DLG2: variants seen among roughly 807,000 people sequenced by gnomAD.
DLG2 encodes the protein disks large homolog 2.
Under a neutral mutation model 132.5 loss-of-function variants are expected in DLG2, and 45 were observed. That is an observed-to-expected ratio of 0.34 (90% CI 0.27 to 0.44). The LOEUF is 0.44. DLG2 is among the 20% of genes least tolerant of loss of function. DLG2 has a pLI of 1.00. For synonymous variants in DLG2, 424 were observed against 419.6 expected (o/e 1.01, Z -0.13); for missense variants, 1,045 against 1,196.9 (o/e 0.87, Z 1.87).
chr11:85,036,051 T>C (rs1460728655), intron 6 of DLG2, among the ~76,000 whole-genome samples: 1 of 152,232 alleles, frequency 6.6e-6, no homozygotes, highest in Non-Finnish European at 1.5e-5. Context: ...TCTATTTGTA[T>C]ACCTGAAGCA....
intron 14 of DLG2, among the ~76,000 whole-genome samples, chr11:83,962,345 C>G (rs571842026): frequency 5.9e-5 from 9 of 152,100 alleles, no homozygotes; most frequent in Admixed American, 2.6e-4. Context: ...AGGTTTATGC[C>G]AGGTCGTCAC....
chr11:84,269,614 C>T (rs568023410), intron 7 of DLG2, among the ~76,000 whole-genome samples: 19 of 152,140 alleles, frequency 1.2e-4, no homozygotes, highest in South Asian at 4.1e-4. Flanking sequence ...GATTTATACA[C>T]GTTTATATCT....
At chr11:85,079,993 C>T (rs78013629) in intron 6 of DLG2, among the ~76,000 whole-genome samples, 2,964 of 152,112 alleles carry the variant, frequency 0.019, 52 homozygotes, top group Admixed American at 0.041. Flanking sequence ...ATGATTGAGA[C>T]GGATGGAAAG....
intron 8 of DLG2, among the ~76,000 whole-genome samples, chr11:84,176,537 A>C (rs2095973985): frequency 6.6e-6 from 1 of 151,894 alleles, no homozygotes; most frequent in Non-Finnish European, 1.5e-5. Flanking sequence ...TAGAAGTCTA[A>C]AGTGACAAAA....
chr11:83,757,641 C>G (rs2093705429), intron 18 of DLG2, among the ~76,000 whole-genome samples: 1 of 152,114 alleles, frequency 6.6e-6, no homozygotes, highest in Non-Finnish European at 1.5e-5. Context: ...AAACAGGGAT[C>G]CTGATGCCTT....
chr11:85,157,254 G>C (rs2077654884), intron 4 of DLG2, among the ~76,000 whole-genome samples: 2 of 152,044 alleles, frequency 1.3e-5, no homozygotes, highest in African/African-American at 4.8e-5. Flanking sequence ...GATCATATCA[G>C]TTAATACTTA....
At chr11:84,667,686 A>T (rs1458073373) in intron 6 of DLG2, among the ~76,000 whole-genome samples, 1 of 151,726 alleles carries the variant, frequency 6.6e-6, no homozygotes, top group African/African-American at 2.4e-5. Context: ...TTTAGTAGAG[A>T]TGGGTTTTCA....
chr11:85,457,004 G>A (rs1050704446), intron 3 of DLG2, among the ~76,000 whole-genome samples: 2 of 152,102 alleles, frequency 1.3e-5, no homozygotes, highest in African/African-American at 4.8e-5. Flanking sequence ...TTGCCTCAAT[G>A]ATCTGTCTAA....
rs368143057 is a variant in DLG2, at chr11:84,867,948, C to T, written c.357+243713G>A. On this transcript the variant is annotated intron_variant, in intron 6 of 27. Transcript: ENST00000376104. Reference sequence around the variant, plus strand: ...AATTAGCCAGGCGTGGTAGCCGGCGCCTGCAGTCCCAGCTACTCGGGAGGC... The same window carrying T: ...AATTAGCCAGGCGTGGTAGCCGGCGTCTGCAGTCCCAGCTACTCGGGAGGC... 4.3e-4 allele frequency among the ~76,000 whole-genome samples: 66 copies of T among 152,114 alleles called. No individual in the cohort carries two copies. The South Asian group carries it at 0.013, about 31-fold the overall frequency.
intron 6 of DLG2, among the ~76,000 whole-genome samples, chr11:84,754,682 A>C (rs556440276): frequency 1.3e-5 from 2 of 152,208 alleles, no homozygotes; most frequent in Non-Finnish European, 2.9e-5. Flanking sequence ...AAGACAGTCA[A>C]AATACTCCTT....
At chr11:85,132,517 A>G (rs1041341453) in intron 5 of DLG2, among the ~76,000 whole-genome samples, 2 of 152,168 alleles carry the variant, frequency 1.3e-5, no homozygotes, top group Non-Finnish European at 2.9e-5. Flanking sequence ...GCCATAAAAA[A>G]AAAACAAAAA....
chr11:85,007,456 C>T lies in DLG2; in HGVS notation c.357+104205G>A, dbSNP rs566577885. 9.2e-5 allele frequency among the ~76,000 whole-genome samples: 14 copies of T among 151,460 alleles called. No homozygotes were observed. The South Asian group carries it at 2.7e-3, about 29-fold the overall frequency. Reference sequence around the variant, plus strand: ...CGGGTGGATCACGAGGTCAGGAGATCGAGACCATCCTGGCTAACACGGTGA... The same window carrying T: ...CGGGTGGATCACGAGGTCAGGAGATTGAGACCATCCTGGCTAACACGGTGA... On this transcript the variant is annotated intron_variant, in intron 6 of 27. Coordinates refer to ENST00000376104, the MANE Select transcript of DLG2 (RefSeq NM_001142699.3).
intron 2 of DLG2, among the ~76,000 whole-genome samples, chr11:85,604,572 T>C (rs930441759): frequency 1.3e-5 from 2 of 152,056 alleles, no homozygotes; most frequent in African/African-American, 4.8e-5. Context: ...TCATCTAAAT[T>C]GCCTCAATTC....
chr11:84,627,311 T>C (rs568078461), intron 6 of DLG2, among the ~76,000 whole-genome samples: 1 of 152,338 alleles, frequency 6.6e-6, no homozygotes, highest in African/African-American at 2.4e-5. Flanking sequence ...TTGTATCCTA[T>C]ATCATTTGCT....
At chr11:84,515,310 CA>C (rs1272813593) in intron 7 of DLG2, among the ~76,000 whole-genome samples, 77 of 151,292 alleles carry the variant, frequency 5.1e-4, no homozygotes, top group East Asian at 1.4e-3. Flanking sequence ...CACACACACA[CA>C]CACACCCCAA....
In DLG2 at chr11:84,940,469, C is replaced by T. The variant is rs932694118; in HGVS notation, c.357+171192G>A. Among the ~76,000 whole-genome samples the T allele has an allele frequency of 6.4e-4, 98 of 152,160 alleles. 1 individual carries two copies. Among genetic ancestry groups the T allele is most frequent in the Non-Finnish European group, 4.7e-4 (32 of 68,018 alleles). On this transcript the variant is annotated intron_variant, in intron 6 of 27. Transcript: ENST00000376104. Reference sequence around the variant, plus strand: ...CCAGCCATGATTTACACTTCTTTGACGAGCAATGATGTTGAGCACCTTTTC... The same window carrying T: ...CCAGCCATGATTTACACTTCTTTGATGAGCAATGATGTTGAGCACCTTTTC...
chr11:84,133,559 A>T (rs1433506982), intron 9 of DLG2, among the ~76,000 whole-genome samples: 4 of 152,080 alleles, frequency 2.6e-5, no homozygotes, highest in African/African-American at 4.8e-5. Context: ...GTTCATTTCC[A>T]TTTAAAACTA....
chr11:83,845,227 TA>T (rs2058387431), intron 16 of DLG2, among the ~76,000 whole-genome samples: 1 of 152,160 alleles, frequency 6.6e-6, no homozygotes, highest in South Asian at 2.1e-4. Flanking sequence ...ACAATGTTAT[TA>T]AAAAGAGGAG....
chr11:84,087,759 T>C (rs34045362), intron 10 of DLG2, among the ~76,000 whole-genome samples: 5,295 of 152,290 alleles, frequency 0.035, 142 homozygotes, highest in Non-Finnish European at 0.055. Flanking sequence ...AGATGGCCTT[T>C]TGAAGTTGGG....
Sources: allele counts gnomAD v4.1 joint callset (sites outside exome capture counted in the v4.1 genomes callset), GRCh38; gene constraint gnomAD v4.1.1; transcripts MANE v1.5; gene names NCBI Gene and HGNC (gene_info 2026-07-23, HGNC 2026-07-21).